The following PHF11 variants were observed in gnomAD, a reference collection of about 807,000 sequenced individuals.
PHF11 encodes the protein BRCA1 C-terminus-associated protein.
PHF11 carries 38 observed loss-of-function variants against 40.5 expected under a neutral mutation model. That is an observed-to-expected ratio of 0.94 (90% confidence interval 0.72 to 1.23). The LOEUF is 1.23. Ranked by LOEUF, PHF11 falls within the 50% of genes most tolerant of loss-of-function variation. The pLI is 0.00. For synonymous variants in PHF11, 127 were observed against 138.2 expected, an observed-to-expected ratio of 0.92 and a Z score of 0.57; for missense variants, 369 against 392.4, an observed-to-expected ratio of 0.94 and a Z score of 0.50.
intron 1 of PHF11, among the ~76,000 whole-genome samples, chr13:49,499,001 G>T (rs1958864136): frequency 6.6e-6 from 1 of 152,188 alleles, no homozygotes; most frequent in Non-Finnish European, 1.5e-5. Flanking sequence ...CAGACCCCCA[G>T]AGCATGGATA....
chr13:49,526,253 T>C (rs7323493), intron 8 of PHF11, 134 bp from the exon 9 acceptor site: 307,032 of 625,684 alleles, frequency 0.49, 76,340 homozygotes, highest in Non-Finnish European at 0.53. Flanking sequence ...GCTGCTGCTG[T>C]TGCCATCTAA....
chr13:49,526,183 A>G (rs573595520), intron 8 of PHF11: 63 of 481,022 alleles, frequency 1.3e-4, no homozygotes, highest in South Asian at 1.1e-3. Context: ...AAAAAAAAAA[A>G]AAAAAAAGAA....
chr13:49,523,157 C>A lies in PHF11; in HGVS notation c.571-18C>A, dbSNP rs1167683393. ...AATATTAAAATCAATGTAATGCAAT[C>A]TTGATTTTCTCTCCTAGCCACCCGA... On this transcript the variant is annotated intron_variant, in intron 6 of 9. Transcript: ENST00000378319. 1 of 1,535,002 alleles carries A rather than the reference C, an allele frequency of 6.5e-7. No homozygotes were observed. The highest frequency in any genetic ancestry group is 9.0e-7 in the Non-Finnish European group (1 of 1,107,960).
intron 4 of PHF11, among the ~76,000 whole-genome samples, chr13:49,520,447 A>G (rs1288885858): frequency 6.6e-6 from 1 of 152,218 alleles, no homozygotes; most frequent in African/African-American, 2.4e-5. Context: ...GATCTGGGGC[A>G]AATACCTGTT....
chr13:49,503,952 G>A (rs1378413325), intron 1 of PHF11, among the ~76,000 whole-genome samples: 2 of 152,070 alleles, frequency 1.3e-5, no homozygotes, highest in African/African-American at 4.8e-5. Flanking sequence ...TTGAACTCCT[G>A]ACCTCAGGTG....
chr13:49,498,126 T>C (rs1958843458), intron 1 of PHF11, among the ~76,000 whole-genome samples: 1 of 152,254 alleles, frequency 6.6e-6, no homozygotes, highest in Non-Finnish European at 1.5e-5. Context: ...TCTTACTCTC[T>C]TCTATCCTTA....
At position 49,496,023 on chromosome 13, in the gene PHF11, C is replaced by A; in HGVS notation, c.22C>A (p.Arg8=). Residue 8 remains arginine (R), a synonymous_variant, in exon 1 of 10, where the codon CGG becomes AGG. Coordinates refer to ENST00000378319, the MANE Select transcript of PHF11 (RefSeq NM_001040443.3). The stretch of plus-strand genomic sequence containing the variant: ...AGTCATGGCCCAGGCGTCGCCGCCC[C>A]GGCCCGAGAGGGTGCTCGGCGCCAG... The part of the protein sequence containing the change: MAQASPP[R]PERVLGASSP... 2.0e-6 allele frequency: 3 copies of A among 1,473,086 alleles called. No individual in the cohort carries two copies. Among genetic ancestry groups the A allele is most frequent in the Middle Eastern group, 1.8e-4 (1 of 5,610 alleles). 91.3% of individuals were successfully genotyped at this position (1,473,086 alleles called of 1,614,324 possible). A position where few individuals can be genotyped will look rare whatever the true frequency, so the allele number is the denominator to read the frequency against.
intron 2 of PHF11, 140 bp downstream of exon 2, chr13:49,506,896 T>TTA: frequency 7.6e-5 from 30 of 392,674 alleles, no homozygotes; most frequent in East Asian, 1.4e-4. Context: ...TGGGGAGCAT[T>TTA]TCTTTTTTTT....
chr13:49,506,620 G>A lies in PHF11; in HGVS notation c.95-15G>A. 1 of 1,612,504 alleles carries A rather than the reference G, an allele frequency of 6.2e-7. No homozygotes were observed. Among genetic ancestry groups the A allele is most frequent in the Non-Finnish European group, 8.5e-7 (1 of 1,179,210 alleles). On this transcript the variant is annotated splice_polypyrimidine_tract_variant and intron_variant, in intron 1 of 9. Coordinates refer to ENST00000378319, the MANE Select transcript of PHF11 (RefSeq NM_001040443.3). ...ATTCCACTTTTCCATTTCTCACCAG[G>A]GATATTACTTATAGGTGTCTTTCAG...
intron 1 of PHF11, among the ~76,000 whole-genome samples, chr13:49,503,819 G>A (rs1187695945): frequency 6.6e-6 from 1 of 152,122 alleles, no homozygotes; most frequent in Non-Finnish European, 1.5e-5. Flanking sequence ...TGCAGCCTCT[G>A]CCTCCTGGGT....
At chr13:49,527,393 C>G (rs1959353144) in intron 9 of PHF11, 1 of 152,182 alleles carries the variant, frequency 6.6e-6, no homozygotes, top group African/African-American at 2.4e-5. Flanking sequence ...ACAGATGCAT[C>G]TGTCTCTCCA....
intron 5 of PHF11, chr13:49,521,460 T>A: frequency 1.0e-6 from 1 of 986,372 alleles, no homozygotes; most frequent in Non-Finnish European, 1.2e-6. Flanking sequence ...CAGGACCTCG[T>A]TGGAAGACTT....
intron 1 of PHF11, among the ~76,000 whole-genome samples, chr13:49,497,764 T>C (rs1172644469): frequency 6.6e-6 from 1 of 152,218 alleles, no homozygotes; most frequent in Non-Finnish European, 1.5e-5. Context: ...CTTATCTGAT[T>C]TGACTCCTGC....
chr13:49,522,377 C>T (rs948475327), intron 6 of PHF11, among the ~76,000 whole-genome samples: 9 of 152,154 alleles, frequency 5.9e-5, no homozygotes, highest in Non-Finnish European at 1.0e-4. Flanking sequence ...AAGCACATAA[C>T]CTTCAGGAGG....
rs953894605 is a variant in PHF11, at chr13:49,521,506, A to G, written c.506-537A>G. On this transcript the variant is annotated intron_variant, in intron 5 of 9. Coordinates refer to ENST00000378319, the MANE Select transcript of PHF11 (RefSeq NM_001040443.3). ...CATGCCAACTGCATTTTATGGTGAT[A>G]ACATTCTCCAAATAGCACCTCTACA... The G allele has an allele frequency of 1.1e-5, 11 of 985,482 alleles. No individual in the cohort carries two copies. The South Asian group carries it at 4.7e-4, about 42-fold the overall frequency. 61.0% of individuals were successfully genotyped at this position (985,482 alleles called of 1,614,324 possible). A position where few individuals can be genotyped will look rare whatever the true frequency, so the allele number is the denominator to read the frequency against.
chr13:49,518,858 CAG>C (rs1166906796), intron 4 of PHF11: 3 of 129,558 alleles, frequency 2.3e-5, no homozygotes, highest in Non-Finnish European at 4.7e-5. Context: ...TTTTTTGAGA[CAG>C]AGTCTCGCTC....
At position 49,520,898 on chromosome 13, in the gene PHF11, C is replaced by CTT. The variant is rs1370417820; in HGVS notation, c.465_466dup (p.Cys156PhefsTer20). Reference sequence around the variant, plus strand: ...CTTTGAAATTAAATATTTCAGACTGCTTTGCCAGCAACATGCTCAATTCCC... The same window carrying CTT: ...CTTTGAAATTAAATATTTCAGACTGCTTTTTGCCAGCAACATGCTCAATTCCC... On this transcript the variant is annotated frameshift_variant, in exon 5 of 10. Coordinates refer to ENST00000378319, the MANE Select transcript of PHF11 (RefSeq NM_001040443.3). LOFTEE classifies it high-confidence loss of function. The CTT allele has an allele frequency of 4.5e-6, 7 of 1,570,932 alleles. No individual in the cohort carries two copies. Among genetic ancestry groups the CTT allele is most frequent in the Non-Finnish European group, 6.1e-6 (7 of 1,148,348 alleles).
In PHF11 at chr13:49,526,381, C is replaced by G. The variant is rs573425968; in HGVS notation, c.770-6C>G. The G allele has an allele frequency of 1.3e-6, 2 of 1,593,656 alleles. No individual in the cohort carries two copies. The highest frequency in any genetic ancestry group is 1.1e-5 in the South Asian group (1 of 90,612). On this transcript the variant is annotated splice_polypyrimidine_tract_variant and splice_region_variant and intron_variant, in intron 8 of 9. Coordinates refer to ENST00000378319, the MANE Select transcript of PHF11 (RefSeq NM_001040443.3). ...TTTAATATTGAAAATGTTTCTCTCC[C>G]TCCAGACTATGAAGAAATCGGGAGT...
At chr13:49,500,055 G>A (rs1017230458) in intron 1 of PHF11, among the ~76,000 whole-genome samples, 3 of 152,220 alleles carry the variant, frequency 2.0e-5, no homozygotes, top group African/African-American at 7.2e-5. Flanking sequence ...CAGATTGCCG[G>A]AGAGATTAAG....
Sources: gnomAD v4.1 joint callset for allele counts (sites outside exome capture counted in the v4.1 genomes callset) on GRCh38, gnomAD v4.1.1 for gene constraint, MANE v1.5 for transcripts, NCBI Gene and HGNC (gene_info 2026-07-23, HGNC 2026-07-21) for gene names.